Variants in FARP1 observed in about 807,000 individuals in gnomAD.
FARP1 encodes the protein FERM, ARH/RhoGEF and pleckstrin domain protein 1.
A neutral mutation model predicts 128.8 loss-of-function variants in FARP1; 52 were observed. The ratio of observed to expected loss-of-function variants is 0.40; its 90% CI spans 0.32 to 0.51. The LOEUF (loss-of-function observed/expected upper bound fraction) is 0.51, where lower values mean the gene tolerates loss of function less well. FARP1 is among the 20% of genes least tolerant of loss of function. The pLI is 0.45. For synonymous variants in FARP1, 580 were observed against 551.8 expected, an observed-to-expected ratio of 1.05 and a Z score of -0.72; for missense variants, 1,333 against 1,367.9, an observed-to-expected ratio of 0.97 and a Z score of 0.40.
At position 98,232,839 on chromosome 13, in the gene FARP1, ATAC is replaced by A. The variant is rs576843942; in HGVS notation, c.171+19431_171+19433del. 1.5e-3 allele frequency among the ~76,000 whole-genome samples: 228 copies of A among 152,358 alleles called. 1 individual carries two copies. The highest frequency in any genetic ancestry group is 1.4e-3 in the Non-Finnish European group (94 of 68,042). The stretch of plus-strand genomic sequence containing the variant: ...TCATATTGAGTGAATGATGATTTCA[ATAC>A]TACTGTCTGATTTTTCCCAGAAATC... On this transcript the variant is annotated intron_variant, in intron 2 of 26. Transcript: ENST00000319562.
intron 1 of FARP1, among the ~76,000 whole-genome samples, chr13:98,178,265 G>A (rs1232154491): frequency 7.0e-6 from 1 of 142,890 alleles, no homozygotes; most frequent in Admixed American, 7.5e-5. Context: ...ACATGATCCC[G>A]GCTCACTGCA....
chr13:98,374,426 A>G (rs1020004691), intron 5 of FARP1, among the ~76,000 whole-genome samples: 2 of 152,172 alleles, frequency 1.3e-5, no homozygotes, highest in African/African-American at 2.4e-5. Flanking sequence ...CTCTGTCTCA[A>G]TCAGTCAATT....
intron 2 of FARP1, among the ~76,000 whole-genome samples, chr13:98,246,037 A>G (rs920360113): frequency 1.3e-5 from 2 of 148,786 alleles, no homozygotes; most frequent in Non-Finnish European, 3.0e-5. Flanking sequence ...TCAGCCTCCC[A>G]AAGTGTTGGG....
At chr13:98,309,732 C>T (rs1886367922) in intron 2 of FARP1, among the ~76,000 whole-genome samples, 1 of 152,202 alleles carries the variant, frequency 6.6e-6, no homozygotes, top group Non-Finnish European at 1.5e-5. Flanking sequence ...GCCGTCAAGG[C>T]ACTGTTGAGG....
chr13:98,157,436 G>C (rs946745130), intron 1 of FARP1, among the ~76,000 whole-genome samples: 3 of 151,874 alleles, frequency 2.0e-5, no homozygotes, highest in African/African-American at 7.3e-5. Context: ...TCTCTGCTCT[G>C]ACATTCATCC....
Position 98,448,739 on chromosome 13 carries a change from G to GTTTGT in FARP1, c.*425_*429dup, listed in dbSNP as rs983582192. ...CATTTTACGAAGTGGACTTCCCGGT[G>GTTTGT]TTTGTTTGTTTGTTTGCAATACACT... On this transcript the variant is annotated 3_prime_UTR_variant, in exon 27 of 27. Transcript: ENST00000319562. 3.2e-5 allele frequency: 1 copy of GTTTGT among 31,326 alleles called. No homozygotes were observed. Among genetic ancestry groups the GTTTGT allele is most frequent in the Admixed American group, 2.3e-4 (1 of 4,300 alleles). 1.9% of individuals were successfully genotyped at this position (31,326 alleles called of 1,614,324 possible). A position where few individuals can be genotyped will look rare whatever the true frequency, so the allele number is the denominator to read the frequency against.
At chr13:98,342,092 CA>C in intron 2 of FARP1, among the ~76,000 whole-genome samples, 1 of 152,216 alleles carries the variant, frequency 6.6e-6, no homozygotes, top group African/African-American at 2.4e-5. Flanking sequence ...CAGGGATGAA[CA>C]AAATATGGCC....
intron 2 of FARP1, among the ~76,000 whole-genome samples, chr13:98,216,079 A>G (rs1479675216): frequency 6.6e-6 from 1 of 152,232 alleles, no homozygotes; most frequent in Admixed American, 6.5e-5. Context: ...GGGAGCCATC[A>G]CACCTGGCCA....
At chr13:98,248,806 G>C (rs1300819522) in intron 2 of FARP1, among the ~76,000 whole-genome samples, 1 of 151,860 alleles carries the variant, frequency 6.6e-6, no homozygotes, top group South Asian at 2.1e-4. Context: ...ATTTGTTTGC[G>C]TTTTCGTGCT....
intron 2 of FARP1, among the ~76,000 whole-genome samples, chr13:98,319,434 C>A (rs898827512): frequency 6.6e-6 from 1 of 152,202 alleles, no homozygotes; most frequent in East Asian, 1.9e-4. Context: ...TCCTCGCTAA[C>A]ATGGTGAAAC....
intron 2 of FARP1, among the ~76,000 whole-genome samples, chr13:98,230,252 A>T (rs1313801438): frequency 6.6e-6 from 1 of 152,236 alleles, no homozygotes; most frequent in Non-Finnish European, 1.5e-5. Flanking sequence ...TGAACACATT[A>T]TAGGCTTTAG....
At chr13:98,368,505 G>A (rs1175146985) in intron 5 of FARP1, among the ~76,000 whole-genome samples, 2 of 152,154 alleles carry the variant, frequency 1.3e-5, no homozygotes, top group African/African-American at 4.8e-5. Flanking sequence ...AATCTCTTCT[G>A]TGAAACCAAC....
intron 24 of FARP1, among the ~76,000 whole-genome samples, chr13:98,442,048 G>A (rs1208777267): frequency 1.3e-5 from 2 of 152,242 alleles, no homozygotes; most frequent in Non-Finnish European, 2.9e-5. Context: ...AGTGGAAGCT[G>A]CCCTGAGCTG....
intron 2 of FARP1, among the ~76,000 whole-genome samples, chr13:98,304,111 C>T (rs1164420208): frequency 6.6e-6 from 1 of 152,072 alleles, no homozygotes; most frequent in African/African-American, 2.4e-5. Context: ...TAAAAACAAA[C>T]CGTGAGCTCC....
At position 98,208,216 on chromosome 13, in the gene FARP1, G is replaced by A. The variant is rs55782222; in HGVS notation, c.-23-5004G>A. On this transcript the variant is annotated intron_variant, in intron 1 of 26. Coordinates refer to ENST00000319562, the MANE Select transcript of FARP1 (RefSeq NM_005766.4). Reference sequence around the variant, plus strand: ...GGCATTCAAAAAAGAAGGGGCCAGCGTGGTGGCTAACTCCTGTAATCCCAG... The same window carrying A: ...GGCATTCAAAAAAGAAGGGGCCAGCATGGTGGCTAACTCCTGTAATCCCAG... Among the ~76,000 whole-genome samples the A allele has an allele frequency of 6.3e-4, 95 of 151,986 alleles. 1 individual carries two copies. The highest frequency in any genetic ancestry group is 1.1e-3 in the Non-Finnish European group (75 of 67,978).
chr13:98,228,434 A>T lies in FARP1; in HGVS notation c.171+15021A>T, dbSNP rs541253905. ...TTACCTGTTTTTTTAAATCACAATT[A>T]AAAAAAAAAATGCCACAGAGCAGCA... On this transcript the variant is annotated intron_variant, in intron 2 of 26. Transcript: ENST00000319562. 4.8e-3 allele frequency among the ~76,000 whole-genome samples: 604 copies of T among 124,918 alleles called. 4 individuals are homozygous for T. Among genetic ancestry groups the T allele is most frequent in the African/African-American group, 0.018 (565 of 31,114 alleles). 82.0% of individuals were successfully genotyped at this position (124,918 alleles called of 152,430 possible).
intron 2 of FARP1, among the ~76,000 whole-genome samples, chr13:98,238,312 A>T (rs755291245): frequency 6.6e-6 from 1 of 152,192 alleles, no homozygotes; most frequent in Non-Finnish European, 1.5e-5. Context: ...GCTGTTGAGG[A>T]TGAACCCTTA....
In FARP1 at chr13:98,243,555, G is replaced by A. The variant is rs147083466; in HGVS notation, c.171+30142G>A. On this transcript the variant is annotated intron_variant, in intron 2 of 26. Transcript: ENST00000319562. ...CTAAAAATAAAAAAAAAAATTAGCC[G>A]GGCGTGGTGGTGGGCGCCTGTAATC... 3.5e-3 allele frequency among the ~76,000 whole-genome samples: 524 copies of A among 151,796 alleles called. 3 individuals are homozygous for A. Among genetic ancestry groups the A allele is most frequent in the African/African-American group, 9.2e-3 (382 of 41,362 alleles).
chr13:98,411,771 A>G (rs575288278), intron 15 of FARP1, 130 bp from the exon 16 acceptor site: 16 of 966,472 alleles, frequency 1.7e-5, no homozygotes, highest in Non-Finnish European at 2.5e-5. Flanking sequence ...GTGTTCCTGA[A>G]ATGCCAAGAA....
Sources: gnomAD v4.1 joint callset for allele counts (sites outside exome capture counted in the v4.1 genomes callset) on GRCh38, gnomAD v4.1.1 for gene constraint, MANE v1.5 for transcripts, NCBI Gene and HGNC (gene_info 2026-07-23, HGNC 2026-07-21) for gene names.